The following ZNF85 variants were observed in gnomAD, a reference collection of about 807,000 sequenced individuals.
ZNF85 encodes zinc finger protein 85 (HPF4, HTF1).
ZNF85 carries 50 observed loss-of-function variants against 53.9 expected under a neutral mutation model. That is an observed-to-expected ratio of 0.93 (90% CI 0.74 to 1.17). The LOEUF (loss-of-function observed/expected upper bound fraction) is 1.17, where lower values mean the gene tolerates loss of function less well. Among genes scored for constraint, ZNF85 ranks in the 50% most tolerant of loss-of-function variants. ZNF85 has a pLI of 0.00. For missense variants in ZNF85, 747 were observed against 688.5 expected (o/e 1.08, Z -0.95); for synonymous variants, 225 against 226.1 (o/e 1.00, Z 0.04).
At chr19:20,946,512 A>T (rs547655305) in intron 3 of ZNF85, 27 of 225,536 alleles carry the variant, frequency 1.2e-4, no homozygotes, top group African/African-American at 5.7e-4. Context: ...TATGTGTTTC[A>T]TCGATTCTGT....
At chr19:20,943,947 C>CATGT (rs1373991900) in intron 3 of ZNF85, 1 of 202,718 alleles carries the variant, frequency 4.9e-6, no homozygotes, top group African/African-American at 2.4e-5. Flanking sequence ...GTTATATTTG[C>CATGT]ATGTAATAAA....
intron 3 of ZNF85, chr19:20,946,503 A>G (rs1431533180): frequency 4.3e-6 from 1 of 234,466 alleles, no homozygotes; most frequent in East Asian, 1.3e-4. Context: ...ATTGCACTCT[A>G]TGTGTTTCAT....
chr19:20,943,882 C>A, intron 3 of ZNF85: 1 of 153,286 alleles, frequency 6.5e-6, no homozygotes, highest in Non-Finnish European at 1.4e-5. Flanking sequence ...CATGCTAGTA[C>A]TTGACTTAAA....
intron 3 of ZNF85, among the ~76,000 whole-genome samples, chr19:20,940,946 G>A (rs1286790255): frequency 6.6e-6 from 1 of 152,134 alleles, no homozygotes; most frequent in African/African-American, 2.4e-5. Flanking sequence ...TGTGAATACT[G>A]GTACAATAAA....
At position 20,949,982 on chromosome 19, in the gene ZNF85, G is replaced by A. The variant is rs1485890905; in HGVS notation, c.1468G>A (p.Gly490Ser). ...TTACAAATGTGAAGAATGTGGCAAA[G>A]GTTTTAAATGGCCCTCAACCCTTAC... ...KPYKCEECGK[G>S]FKWPSTLTIH... The change falls in exon 4 of 4, where the codon GGT becomes AGT. Residue 490 changes from glycine to serine, a missense_variant. Transcript: ENST00000328178. The A allele has an allele frequency of 9.9e-6, 16 of 1,610,916 alleles. No homozygotes were observed. The highest frequency in any genetic ancestry group is 1.3e-5 in the Non-Finnish European group (15 of 1,178,178).
At chr19:20,945,185 T>C (rs907806131) in intron 3 of ZNF85, among the ~76,000 whole-genome samples, 2 of 152,156 alleles carry the variant, frequency 1.3e-5, no homozygotes, top group Non-Finnish European at 2.9e-5. Flanking sequence ...AAATATTCAA[T>C]TTAGTGATCT....
At chr19:20,943,027 TG>T (rs1316760254) in intron 3 of ZNF85, 2 of 492,542 alleles carry the variant, frequency 4.1e-6, no homozygotes, top group African/African-American at 4.0e-5. Flanking sequence ...CCTCCTACCT[TG>T]GTCTCCCAAA....
intron 1 of ZNF85, among the ~76,000 whole-genome samples, chr19:20,930,004 C>T (rs186122482): frequency 6.6e-6 from 1 of 151,026 alleles, no homozygotes; most frequent in Admixed American, 6.7e-5. Flanking sequence ...ACCCGTAATC[C>T]CAGTTACTTG....
Position 20,949,793 on chromosome 19 carries a change from A to G in ZNF85, c.1279A>G (p.Lys427Glu). The G allele has an allele frequency of 6.2e-7, 1 of 1,611,856 alleles. No individual in the cohort carries two copies. The highest frequency in any genetic ancestry group is 8.5e-7 in the Non-Finnish European group (1 of 1,178,934). The change falls in exon 4 of 4, where the codon AAA (lysine) becomes GAA (glutamate). Residue 427 changes from lysine (K) to glutamate (E), a missense_variant. Lys to Glu is a moderately conservative substitution (Grantham distance 56, BLOSUM62 1). Coordinates refer to ENST00000328178, the MANE Select transcript of ZNF85 (RefSeq NM_003429.5). ...AATTCATACTGGAGAGAAGCCTTAC[A>G]AATGTAAAGAATGTGAAAAAGCTTT... ...KIIHTGEKPY[K>E]CKECEKAFNQ...
chr19:20,950,206 A>C lies in ZNF85; in HGVS notation c.1692A>C (p.Lys564Asn), dbSNP rs1568558713. ...TKHKRIHTGE[K>N]PYKCEECDKA... is the part of the protein sequence containing the mutation. ...ATAAGAGAATTCATACTGGAGAAAAACCTTACAAATGTGAAGAATGTGACA... is the reference window on the plus strand; with the variant it reads ...ATAAGAGAATTCATACTGGAGAAAACCCTTACAAATGTGAAGAATGTGACA... The change falls in exon 4 of 4, where the codon AAA becomes AAC. Residue 564 changes from lysine (K) to asparagine (N), a missense_variant. Transcript: ENST00000328178. 4 of 1,611,874 alleles carry C rather than the reference A, an allele frequency of 2.5e-6. No homozygotes were observed. Among genetic ancestry groups the C allele is most frequent in the Non-Finnish European group, 3.4e-6 (4 of 1,179,246 alleles).
intron 3 of ZNF85, among the ~76,000 whole-genome samples, chr19:20,941,227 A>G (rs927380975): frequency 1.3e-5 from 2 of 151,908 alleles, no homozygotes; most frequent in South Asian, 4.2e-4. Context: ...TGTTATTTTT[A>G]TGCATTTCTC....
intron 3 of ZNF85, among the ~76,000 whole-genome samples, chr19:20,938,872 GTGTGTA>G (rs1180274739): frequency 2.1e-5 from 3 of 142,202 alleles, no homozygotes; most frequent in South Asian, 2.3e-4. Flanking sequence ...GTGTGTGTGT[GTGTGTA>G]TATATATGTG....
intron 3 of ZNF85, among the ~76,000 whole-genome samples, chr19:20,938,633 A>C (rs961114294): frequency 6.6e-6 from 1 of 152,212 alleles, no homozygotes; most frequent in African/African-American, 2.4e-5. Flanking sequence ...CATTTAGAAC[A>C]ATATGCTAGA....
intron 1 of ZNF85, among the ~76,000 whole-genome samples, chr19:20,930,543 A>C (rs1481972833): frequency 1.3e-5 from 2 of 151,544 alleles, no homozygotes; most frequent in African/African-American, 4.8e-5. Flanking sequence ...TTAAACACTT[A>C]ATAACATCTT....
At chr19:20,947,421 T>C (rs1481353724) in intron 3 of ZNF85, among the ~76,000 whole-genome samples, 1 of 151,166 alleles carries the variant, frequency 6.6e-6, no homozygotes, top group Non-Finnish European at 1.5e-5. Flanking sequence ...TGTAATAATA[T>C]GTTGTTTTCT....
At chr19:20,941,215 A>G (rs1599441303) in intron 3 of ZNF85, among the ~76,000 whole-genome samples, 1 of 151,872 alleles carries the variant, frequency 6.6e-6, no homozygotes, top group African/African-American at 2.4e-5. Flanking sequence ...TTTGTTTTTC[A>G]TTGTTATTTT....
chr19:20,937,413 T>C, intron 3 of ZNF85: 1 of 453,998 alleles, frequency 2.2e-6, no homozygotes, highest in Non-Finnish European at 4.4e-6. Flanking sequence ...TCTGAGTTTA[T>C]AGTGCAGAGG....
At chr19:20,929,045 C>T (rs1972945914) in intron 1 of ZNF85, among the ~76,000 whole-genome samples, 2 of 152,026 alleles carry the variant, frequency 1.3e-5, no homozygotes, top group Admixed American at 1.3e-4. Flanking sequence ...TCCACCCTTA[C>T]TAGGCCTCAG....
intron 3 of ZNF85, chr19:20,942,923 G>A (rs1350331954): frequency 7.8e-6 from 5 of 638,832 alleles, no homozygotes; most frequent in Non-Finnish European, 2.8e-6. Flanking sequence ...CTACAGACAT[G>A]CAGTACTATG....
Sources: allele counts gnomAD v4.1 joint callset (sites outside exome capture counted in the v4.1 genomes callset), GRCh38; gene constraint gnomAD v4.1.1; transcripts MANE v1.5; gene names NCBI Gene and HGNC (gene_info 2026-07-23, HGNC 2026-07-21).